Variants in NRG1 observed in about 807,000 individuals in gnomAD.
The protein encoded by NRG1 is pro-neuregulin-1, membrane-bound isoform.
A neutral mutation model predicts 63.8 loss-of-function variants in NRG1; 18 were observed. That is an observed-to-expected ratio of 0.28 (90% confidence interval 0.19 to 0.42). NRG1 has a LOEUF of 0.42. Among genes scored for constraint, NRG1 ranks in the 10% least tolerant of loss-of-function variants. The pLI, the probability that NRG1 is intolerant of heterozygous loss-of-function variation, is 1.00. For missense variants in NRG1, 762 were observed against 814.7 expected (o/e 0.94, Z 0.79); for synonymous variants, 302 against 301.3 (o/e 1.00, Z -0.02).
At chr8:32,507,579 A>C (rs1563559643) in intron 1 of NRG1, among the ~76,000 whole-genome samples, 1 of 152,232 alleles carries the variant, frequency 6.6e-6, no homozygotes, top group Non-Finnish European at 1.5e-5. Context: ...ACAACAACAA[A>C]AAAACTAAGT....
At chr8:32,642,196 C>T (rs1852547884) in intron 5 of NRG1, among the ~76,000 whole-genome samples, 1 of 152,162 alleles carries the variant, frequency 6.6e-6, no homozygotes, top group Admixed American at 6.5e-5. Flanking sequence ...ATAAAGCCTG[C>T]TGATTTATTA....
At chr8:32,345,138 A>G (rs1245197070) in intron 1 of NRG1, among the ~76,000 whole-genome samples, 1 of 152,162 alleles carries the variant, frequency 6.6e-6, no homozygotes, top group African/African-American at 2.4e-5. Flanking sequence ...CTGTGTCCCT[A>G]TTATCCTGAA....
chr8:31,941,502 T>C (rs1801744502), intron 1 of NRG1, among the ~76,000 whole-genome samples: 1 of 152,110 alleles, frequency 6.6e-6, no homozygotes, highest in African/African-American at 2.4e-5. Flanking sequence ...ATGCCCACTT[T>C]CACCACTTCT....
At chr8:32,002,087 G>A (rs999677961) in intron 1 of NRG1, among the ~76,000 whole-genome samples, 5 of 152,064 alleles carry the variant, frequency 3.3e-5, no homozygotes, top group South Asian at 2.1e-4. Context: ...GCAGTAGCAC[G>A]ATCTCAGCTC....
chr8:32,527,461 T>C (rs1830978042), intron 1 of NRG1, among the ~76,000 whole-genome samples: 1 of 151,932 alleles, frequency 6.6e-6, no homozygotes, highest in Non-Finnish European at 1.5e-5. Context: ...GAGCTAAATA[T>C]GTGTACCATG....
At chr8:32,064,048 T>G (rs190847729) in intron 1 of NRG1, among the ~76,000 whole-genome samples, 1 of 151,904 alleles carries the variant, frequency 6.6e-6, no homozygotes, top group African/African-American at 2.4e-5. Flanking sequence ...TTGGGCAGTT[T>G]AAAACAAGCA....
chr8:32,635,069 T>C (rs1020408101), intron 5 of NRG1, among the ~76,000 whole-genome samples: 1 of 152,234 alleles, frequency 6.6e-6, no homozygotes, highest in Non-Finnish European at 1.5e-5. Context: ...CAGTCAGGCT[T>C]CTCTTCCATT....
chr8:32,743,177 A>AT (rs1413633849), intron 7 of NRG1: 2 of 986,962 alleles, frequency 2.0e-6, no homozygotes, highest in East Asian at 2.3e-4. Flanking sequence ...TGGTAAGTTA[A>AT]TTTTGATTCA....
intron 1 of NRG1, among the ~76,000 whole-genome samples, chr8:32,298,005 A>G (rs1362008319): frequency 1.2e-4 from 19 of 152,268 alleles, no homozygotes; most frequent in Admixed American, 1.2e-3. Context: ...CCCTTAGTTT[A>G]TCTGTGAGAA....
chr8:32,587,222 A>T (rs1013297211), intron 1 of NRG1, among the ~76,000 whole-genome samples: 4 of 152,114 alleles, frequency 2.6e-5, no homozygotes, highest in Non-Finnish European at 5.9e-5. Context: ...GCCAAAAAAA[A>T]AAAATTAAAG....
At chr8:32,721,815 C>T (rs1820717589) in intron 5 of NRG1, 1 of 1,327,260 alleles carries the variant, frequency 7.5e-7, no homozygotes, top group Non-Finnish European at 9.6e-7. Context: ...TCTAGAGAAG[C>T]TACATTAGGT....
intron 1 of NRG1, among the ~76,000 whole-genome samples, chr8:31,661,559 A>C (rs1163818394): frequency 4.6e-5 from 7 of 152,208 alleles, no homozygotes; most frequent in African/African-American, 1.7e-4. Flanking sequence ...ATTCATTTGA[A>C]ATGAACCTGC....
intron 1 of NRG1, among the ~76,000 whole-genome samples, chr8:32,203,001 A>G (rs1032942804): frequency 2.6e-5 from 4 of 151,780 alleles, no homozygotes; most frequent in Non-Finnish European, 5.9e-5. Context: ...ATCACTAGGA[A>G]GACCATTGAT....
chr8:32,408,582 CCAAAAACTG>C (rs1814432650), intron 1 of NRG1, among the ~76,000 whole-genome samples: 1 of 140,466 alleles, frequency 7.1e-6, no homozygotes, highest in Non-Finnish European at 1.6e-5. Flanking sequence ...GGGGAAATCT[CCAAAAACTG>C]CAAAAAGATT....
chr8:32,603,422 TG>T (rs1477574015), intron 2 of NRG1, among the ~76,000 whole-genome samples: 1 of 152,156 alleles, frequency 6.6e-6, no homozygotes, highest in African/African-American at 2.4e-5. Context: ...TGGAACACAT[TG>T]CTTTGTTACC....
At chr8:32,266,216 T>C (rs931162402) in intron 1 of NRG1, among the ~76,000 whole-genome samples, 1 of 152,174 alleles carries the variant, frequency 6.6e-6, no homozygotes, top group Non-Finnish European at 1.5e-5. Flanking sequence ...AATGATCCTT[T>C]GGTTTTCATA....
At chr8:32,653,996 T>G (rs1855723819) in intron 5 of NRG1, among the ~76,000 whole-genome samples, 1 of 152,010 alleles carries the variant, frequency 6.6e-6, no homozygotes, top group Non-Finnish European at 1.5e-5. Context: ...TCAAAGGGTG[T>G]TTCTGAATAA....
chr8:32,694,374 G>T (rs564886883), intron 5 of NRG1, among the ~76,000 whole-genome samples: 2 of 152,032 alleles, frequency 1.3e-5, no homozygotes, highest in Non-Finnish European at 2.9e-5. Context: ...AGAATGTTCT[G>T]TATGTAACTC....
intron 1 of NRG1, among the ~76,000 whole-genome samples, chr8:31,799,305 C>T (rs1445826293): frequency 6.6e-6 from 1 of 152,040 alleles, no homozygotes; most frequent in African/African-American, 2.4e-5. Flanking sequence ...AATTTGAAGG[C>T]TTCTATATTA....
Sources: allele counts gnomAD v4.1 joint callset (sites outside exome capture counted in the v4.1 genomes callset), GRCh38; gene constraint gnomAD v4.1.1; transcripts MANE v1.5; gene names NCBI Gene and HGNC (gene_info 2026-07-23, HGNC 2026-07-21).